Variants in PTPDC1 observed in about 807,000 individuals in gnomAD.
PTPDC1 encodes protein tyrosine phosphatase domain-containing protein 1.
Under a neutral mutation model 75.3 loss-of-function variants are expected in PTPDC1, and 53 were observed. The ratio of observed to expected loss-of-function variants is 0.70; its 90% confidence interval spans 0.56 to 0.88. PTPDC1 has a LOEUF of 0.88. PTPDC1 is among the 40% of genes least tolerant of loss of function. PTPDC1 has a pLI of 0.00. For missense variants in PTPDC1, 925 were observed against 998.6 expected, an observed-to-expected ratio of 0.93 and a Z score of 0.99; for synonymous variants, 349 against 366.2, an observed-to-expected ratio of 0.95 and a Z score of 0.54.
Position 94,049,709 on chromosome 9 carries a change from A to T in PTPDC1, c.-6-15025A>T, listed in dbSNP as rs189326959. ...TATGTGTCTTGGAATTGCTCTTCTC[A>T]AGGAGTATCTTTGTGGCGTTCTCTG... On this transcript the variant is annotated intron_variant, in intron 1 of 9. Coordinates refer to the PTPDC1 transcript ENST00000375360. 1.8e-3 allele frequency among the ~76,000 whole-genome samples: 269 copies of T among 152,214 alleles called. 1 individual carries two copies. Among genetic ancestry groups the T allele is most frequent in the Non-Finnish European group, 1.6e-3 (109 of 68,010 alleles).
chr9:94,107,515 T>C (rs1828065445), intron 8 of PTPDC1, among the ~76,000 whole-genome samples: 1 of 152,210 alleles, frequency 6.6e-6, no homozygotes, highest in African/African-American at 2.4e-5. Context: ...TTTTCTCTTA[T>C]ACCATCAATG....
intron 7 of PTPDC1, 63 bp from the exon 8 acceptor site, chr9:94,104,212 T>C: frequency 7.3e-6 from 8 of 1,094,404 alleles, no homozygotes. Flanking sequence ...TACGATAGTT[T>C]TGAATTGATT....
intron 1 of PTPDC1, among the ~76,000 whole-genome samples, chr9:94,033,589 G>A (rs1005287195): frequency 2.0e-5 from 3 of 152,138 alleles, no homozygotes; most frequent in Non-Finnish European, 2.9e-5. Flanking sequence ...TTAAAATGGG[G>A]ACAGTGCCTC....
chr9:94,038,230 G>C, intron 1 of PTPDC1: 3 of 918,896 alleles, frequency 3.3e-6, no homozygotes, highest in Non-Finnish European at 5.3e-6. Context: ...CACTGATGGA[G>C]TATTTGGAGA....
At chr9:94,098,626 T>C (rs781460621) in intron 6 of PTPDC1, 47 bp downstream of exon 6, 1 of 1,460,740 alleles carries the variant, frequency 6.8e-7, no homozygotes, top group Non-Finnish European at 9.5e-7. Context: ...GAAATATTTA[T>C]GTCAGGGCAA....
chr9:94,047,431 A>C (rs982107657), intron 1 of PTPDC1, among the ~76,000 whole-genome samples: 1 of 152,188 alleles, frequency 6.6e-6, no homozygotes, highest in African/African-American at 2.4e-5. Context: ...TGTAGAGGGA[A>C]ATTTATAGCA....
chr9:94,099,058 T>G (rs1827737144), intron 6 of PTPDC1, among the ~76,000 whole-genome samples: 1 of 152,232 alleles, frequency 6.6e-6, no homozygotes, highest in Non-Finnish European at 1.5e-5. Flanking sequence ...ATCCTCTCCT[T>G]CAGACTTGCC....
At chr9:94,060,885 G>C (rs534503620) in intron 1 of PTPDC1, among the ~76,000 whole-genome samples, 2 of 152,114 alleles carry the variant, frequency 1.3e-5, no homozygotes, top group Non-Finnish European at 2.9e-5. Context: ...TGGGGATGCA[G>C]ATCCAAACCA....
At chr9:94,054,448 C>T (rs59340531) in intron 1 of PTPDC1, among the ~76,000 whole-genome samples, 1 of 152,152 alleles carries the variant, frequency 6.6e-6, no homozygotes, top group Non-Finnish European at 1.5e-5. Flanking sequence ...GATCACAAAG[C>T]TAATACGTGC....
chr9:94,037,394 T>C lies in PTPDC1; in HGVS notation c.-7+6267T>C, dbSNP rs960129797. ...AAATTTAGAAAATATCAGTAGAGAA[T>C]AAAAACCACCCATAATCCACCCTGT... On this transcript the variant is annotated intron_variant, in intron 1 of 9. Coordinates refer to the PTPDC1 transcript ENST00000375360. Among the ~76,000 whole-genome samples the C allele has an allele frequency of 5.3e-5, 8 of 152,200 alleles. No individual in the cohort carries two copies. The East Asian group carries it at 1.3e-3, about 26-fold the overall frequency.
At chr9:94,053,614 T>C (rs1377385415) in intron 1 of PTPDC1, among the ~76,000 whole-genome samples, 3 of 152,198 alleles carry the variant, frequency 2.0e-5, no homozygotes, top group Non-Finnish European at 4.4e-5. Flanking sequence ...AAATATGTAA[T>C]TGATACTAGG....
chr9:94,076,997 C>G (rs901044483), intron 2 of PTPDC1, among the ~76,000 whole-genome samples: 1 of 152,134 alleles, frequency 6.6e-6, no homozygotes, highest in African/African-American at 2.4e-5. Flanking sequence ...GAAATGCCCA[C>G]TCAAATTATT....
At chr9:94,073,970 T>C (rs1826595774) in intron 2 of PTPDC1, among the ~76,000 whole-genome samples, 1 of 152,212 alleles carries the variant, frequency 6.6e-6, no homozygotes, top group Admixed American at 6.5e-5. Context: ...TGATTCCAGT[T>C]ATTCTAGGAA....
upstream of PTPDC1, chr9:94,084,444 A>T: frequency 6.4e-7 from 1 of 1,563,318 alleles, no homozygotes; most frequent in African/African-American, 1.4e-5. Context: ...ATACAGAACG[A>T]TGCAATGCTC....
Position 94,038,232 on chromosome 9 carries a change from A to G in PTPDC1, c.-7+7105A>G, listed in dbSNP as rs549334147. The G allele has an allele frequency of 2.1e-3, 1,970 of 916,424 alleles. 35 individuals are homozygous for G. The South Asian group carries it at 0.025, about 12-fold the overall frequency. The allele number at this position is 916,424 out of a possible 1,614,324, so 56.8% of individuals were successfully genotyped here. A position where few individuals can be genotyped will look rare whatever the true frequency, so the allele number is the denominator to read the frequency against. Reference sequence around the variant, plus strand: ...TGGGGAGAGGATACACTGATGGAGTATTTGGAGAATCCCAAGAAGTACATC... The same window carrying G: ...TGGGGAGAGGATACACTGATGGAGTGTTTGGAGAATCCCAAGAAGTACATC... On this transcript the variant is annotated intron_variant, in intron 1 of 9. Coordinates refer to the PTPDC1 transcript ENST00000375360.
chr9:94,039,665 G>A (rs1018821259), intron 1 of PTPDC1, among the ~76,000 whole-genome samples: 5 of 152,122 alleles, frequency 3.3e-5, no homozygotes, highest in Admixed American at 6.6e-5. Context: ...GAGCCTAGGA[G>A]GTTGAGGCTG....
At position 94,097,766 on chromosome 9, in the gene PTPDC1, G is replaced by C; in HGVS notation, c.1200G>C (p.Pro400=). The C allele has an allele frequency of 6.2e-7, 1 of 1,614,104 alleles. No individual in the cohort carries two copies. The highest frequency in any genetic ancestry group is 8.5e-7 in the Non-Finnish European group (1 of 1,180,014). Residue 400 remains proline (P), a synonymous_variant, in exon 6 of 9, where the codon CCG becomes CCC. Coordinates refer to ENST00000620992, the MANE Select transcript of PTPDC1 (RefSeq NM_001253829.2). The part of the protein sequence containing the change: ...LLRHDSDVSN[P]PNPTAVAADF... ...GGCATGACAGTGATGTGTCCAACCC[G>C]CCTAACCCCACTGCAGTGGCAGCAG...
chr9:94,077,262 C>T (rs1447264614), intron 2 of PTPDC1, among the ~76,000 whole-genome samples: 2 of 152,184 alleles, frequency 1.3e-5, no homozygotes, highest in African/African-American at 4.8e-5. Flanking sequence ...TTTTTCCACA[C>T]ACCAAACAAG....
chr9:94,098,291 A>G lies in PTPDC1; in HGVS notation c.1725A>G (p.Gln575=), dbSNP rs759606862. ...AGGATCCAAACCCTGCTCACCAGCA[A>G]GTGTCTCACTGTCAGTGTAAAACTC... The part of the protein sequence containing the change: ...VHKDPNPAHQ[Q]VSHCQCKTHG... The change falls in exon 6 of 9, where the codon CAA becomes CAG. Residue 575 remains glutamine, a synonymous_variant. Coordinates refer to ENST00000620992, the MANE Select transcript of PTPDC1 (RefSeq NM_001253829.2). 3.1e-6 allele frequency: 5 copies of G among 1,614,092 alleles called. No individual in the cohort carries two copies. Among genetic ancestry groups the G allele is most frequent in the Non-Finnish European group, 4.2e-6 (5 of 1,180,050 alleles).
Sources: allele counts gnomAD v4.1 joint callset (sites outside exome capture counted in the v4.1 genomes callset), GRCh38; gene constraint gnomAD v4.1.1; transcripts MANE v1.5; gene names NCBI Gene and HGNC (gene_info 2026-07-23, HGNC 2026-07-21).